The following GNG2 variants were observed in gnomAD, a reference collection of about 807,000 sequenced individuals.
The protein encoded by GNG2 is G protein subunit gamma 2.
In GNG2, 5 loss-of-function variants were observed where a neutral mutation model predicts 5.5. That is an observed-to-expected ratio of 0.91 (90% CI 0.48 to 1.92). GNG2 has a LOEUF of 1.92. Among genes scored for constraint, GNG2 ranks in the 30% most tolerant of loss-of-function variants. The probability of loss-of-function intolerance (pLI) is 0.01; values close to 1 mark genes in which losing one functional copy is unlikely to be tolerated. For missense variants in GNG2, 55 were observed against 88.4 expected, an observed-to-expected ratio of 0.62 and a Z score of 1.52; for synonymous variants, 28 against 32.0, an observed-to-expected ratio of 0.88 and a Z score of 0.42.
At chr14:51,961,544 C>T (rs1342427780) in intron 3 of GNG2, among the ~76,000 whole-genome samples, 2 of 152,106 alleles carry the variant, frequency 1.3e-5, no homozygotes, top group South Asian at 2.1e-4. Flanking sequence ...AATAAACAAA[C>T]GATGTCCGTA....
chr14:51,949,964 C>T (rs1361487403), intron 2 of GNG2, among the ~76,000 whole-genome samples: 2 of 152,098 alleles, frequency 1.3e-5, no homozygotes, highest in African/African-American at 4.8e-5. Context: ...TACTCTCAAA[C>T]CCTGGCCTCA....
At chr14:51,960,774 A>G (rs1337040338) in intron 3 of GNG2, among the ~76,000 whole-genome samples, 2 of 152,180 alleles carry the variant, frequency 1.3e-5, no homozygotes, top group Non-Finnish European at 2.9e-5. Context: ...TCACTAATGA[A>G]GTAATAACCT....
At chr14:51,941,098 G>A (rs1197470527) in intron 2 of GNG2, among the ~76,000 whole-genome samples, 1 of 151,912 alleles carries the variant, frequency 6.6e-6, no homozygotes, top group African/African-American at 2.4e-5. Context: ...GCATATGTTA[G>A]TATATATAAT....
At chr14:51,944,211 CA>C (rs60662825) in intron 2 of GNG2, among the ~76,000 whole-genome samples, 36 of 149,492 alleles carry the variant, frequency 2.4e-4, no homozygotes, top group African/African-American at 4.4e-4. Context: ...GGGCTGCTAT[CA>C]AAAAAAAAAT....
intron 2 of GNG2, among the ~76,000 whole-genome samples, chr14:51,939,466 T>G (rs758169628): frequency 1.3e-5 from 2 of 152,188 alleles, no homozygotes; most frequent in Non-Finnish European, 1.5e-5. Context: ...CAGAGAGCTG[T>G]CATTTCAAAT....
intron 2 of GNG2, among the ~76,000 whole-genome samples, chr14:51,838,855 G>C (rs1340673463): frequency 6.6e-6 from 1 of 152,136 alleles, no homozygotes; most frequent in Non-Finnish European, 1.5e-5. Context: ...AGTGAGCTGT[G>C]ATTGTGCTAC....
intron 2 of GNG2, among the ~76,000 whole-genome samples, chr14:51,842,729 A>G (rs1469387307): frequency 6.6e-6 from 1 of 151,658 alleles, no homozygotes; most frequent in Non-Finnish European, 1.5e-5. Flanking sequence ...CAGTGGCACA[A>G]TCTCGGCTCA....
At chr14:51,878,812 T>C (rs1168848846) in intron 2 of GNG2, among the ~76,000 whole-genome samples, 1 of 152,226 alleles carries the variant, frequency 6.6e-6, no homozygotes. Context: ...ACCTAATGTC[T>C]TTCAGGTGAG....
chr14:51,842,376 T>G (rs1251784330), intron 2 of GNG2, among the ~76,000 whole-genome samples: 2 of 152,234 alleles, frequency 1.3e-5, no homozygotes, highest in African/African-American at 4.8e-5. Flanking sequence ...TTGTTTCTTC[T>G]TTCTACAGCC....
At chr14:51,858,159 T>G (rs1882247595), upstream of GNG2, among the ~76,000 whole-genome samples, 1 of 152,154 alleles carries the variant, frequency 6.6e-6, no homozygotes, top group Non-Finnish European at 1.5e-5. Context: ...AAATTAACAC[T>G]TTGCAAACTT....
intron 2 of GNG2, among the ~76,000 whole-genome samples, chr14:51,936,134 T>C (rs1401917713): frequency 6.6e-6 from 1 of 152,168 alleles, no homozygotes; most frequent in East Asian, 1.9e-4. Context: ...CTGGGCTCCA[T>C]GCTTTGGGAG....
upstream of GNG2, chr14:51,860,562 C>G (rs1188191944): frequency 6.6e-6 from 1 of 152,542 alleles, no homozygotes; most frequent in African/African-American, 2.4e-5. Flanking sequence ...GGGAGATGCG[C>G]TGCTTCCTGT....
Position 51,839,632 on chromosome 14 carries a change from T to C in GNG2, c.64+11825T>C, listed in dbSNP as rs532351685. Reference sequence around the variant, plus strand: ...GACGCCAGGGGTTGGAGGAGTTAACTGCAAAGGAGTATGAGAGAATTTTAG... The same window carrying C: ...GACGCCAGGGGTTGGAGGAGTTAACCGCAAAGGAGTATGAGAGAATTTTAG... On this transcript the variant is annotated intron_variant, in intron 2 of 3. Coordinates refer to the GNG2 transcript ENST00000553432. 1.2e-4 allele frequency among the ~76,000 whole-genome samples: 19 copies of C among 152,256 alleles called. No homozygotes were observed. The East Asian group carries it at 2.7e-3, about 22-fold the overall frequency.
At chr14:51,888,963 A>G (rs1026477202) in intron 2 of GNG2, among the ~76,000 whole-genome samples, 2 of 152,222 alleles carry the variant, frequency 1.3e-5, no homozygotes, top group African/African-American at 4.8e-5. Context: ...GAAACTAGAC[A>G]CAACAGGCTA....
At chr14:51,878,372 T>A (rs1031228683) in intron 2 of GNG2, among the ~76,000 whole-genome samples, 1 of 152,166 alleles carries the variant, frequency 6.6e-6, no homozygotes, top group Non-Finnish European at 1.5e-5. Flanking sequence ...AACGCCTACA[T>A]CCCCATCACC....
At chr14:51,867,007 T>C (rs75843679) in intron 1 of GNG2, among the ~76,000 whole-genome samples, 2,085 of 152,300 alleles carry the variant, frequency 0.014, 51 homozygotes, top group African/African-American at 0.048. Context: ...TTCCTACATA[T>C]TTAGTTTCTT....
chr14:51,853,605 C>T (rs1370702571), intron 2 of GNG2, among the ~76,000 whole-genome samples: 1 of 152,074 alleles, frequency 6.6e-6, no homozygotes, highest in Admixed American at 6.5e-5. Flanking sequence ...ATCACACTGT[C>T]TGGTCTACAT....
intron 2 of GNG2, chr14:51,914,287 A>G (rs1369131640): frequency 1.4e-6 from 1 of 702,096 alleles, no homozygotes; most frequent in Non-Finnish European, 2.6e-6. Context: ...AGAATGGAAA[A>G]GGACTGCCGT....
chr14:51,925,663 G>A (rs1887266906), intron 2 of GNG2, among the ~76,000 whole-genome samples: 1 of 152,164 alleles, frequency 6.6e-6, no homozygotes, highest in African/African-American at 2.4e-5. Flanking sequence ...CCAGGCTGGA[G>A]TGCAGTGGCA....
Sources: gnomAD v4.1 joint callset for allele counts (sites outside exome capture counted in the v4.1 genomes callset) on GRCh38, gnomAD v4.1.1 for gene constraint, MANE v1.5 for transcripts, NCBI Gene and HGNC (gene_info 2026-07-23, HGNC 2026-07-21) for gene names.